Variants in OXSR1 observed in about 807,000 individuals in gnomAD.
The protein encoded by OXSR1 is serine/threonine-protein kinase OSR1.
OXSR1 carries 24 observed loss-of-function variants against 79.8 expected under a neutral mutation model. The ratio of observed to expected loss-of-function variants is 0.30; its 90% confidence interval spans 0.22 to 0.42. OXSR1 has a LOEUF of 0.42. OXSR1 is among the 10% of genes least tolerant of loss of function. The pLI, the probability that OXSR1 is intolerant of heterozygous loss-of-function variation, is 1.00. For synonymous variants in OXSR1, 226 were observed against 209.2 expected (o/e 1.08, Z -0.69); for missense variants, 430 against 618.4 (o/e 0.70, Z 3.23).
At chr3:38,252,289 A>G in intron 16 of OXSR1, 39 bp from the exon 17 acceptor site, 1 of 1,393,234 alleles carries the variant, frequency 7.2e-7, no homozygotes, top group Non-Finnish European at 1.0e-6. Context: ...GATTTATGTA[A>G]CTTCTCATTC....
chr3:38,211,613 A>G (rs1702389636), intron 4 of OXSR1, among the ~76,000 whole-genome samples: 1 of 152,146 alleles, frequency 6.6e-6, no homozygotes, highest in Non-Finnish European at 1.5e-5. Flanking sequence ...TAGTCTTTCA[A>G]GGGTCTTGGT....
chr3:38,196,780 A>G (rs955518118), intron 3 of OXSR1, among the ~76,000 whole-genome samples: 1 of 152,204 alleles, frequency 6.6e-6, no homozygotes, highest in Admixed American at 6.5e-5. Flanking sequence ...AAAGTTAGCA[A>G]TCATGTCATG....
At position 38,165,557 on chromosome 3, in the gene OXSR1, G is replaced by T; in HGVS notation, c.-320G>T. ...AGTTTGGCCCGTGCGTGGGGCTGGG[G>T]TGGAGGGCGGGACAGAGGGGCTGGG... is the stretch of plus-strand genomic sequence containing the variant. On this transcript the variant is annotated 5_prime_UTR_variant, in exon 1 of 18. Coordinates refer to ENST00000311806, the MANE Select transcript of OXSR1 (RefSeq NM_005109.3). The T allele has an allele frequency of 5.5e-6, 2 of 360,878 alleles. No homozygotes were observed. The highest frequency in any genetic ancestry group is 1.0e-5 in the Non-Finnish European group (2 of 199,160). The allele number at this position is 360,878 out of a possible 1,614,324, so 22.4% of individuals were successfully genotyped here. A position where few individuals can be genotyped will look rare whatever the true frequency, so the allele number is the denominator to read the frequency against.
chr3:38,206,121 C>T (rs1575335219), intron 4 of OXSR1, among the ~76,000 whole-genome samples: 1 of 152,020 alleles, frequency 6.6e-6, no homozygotes, highest in East Asian at 1.9e-4. Context: ...AATTTTGACA[C>T]AAGAAACTTT....
chr3:38,196,354 G>A (rs1219365221), intron 3 of OXSR1, among the ~76,000 whole-genome samples: 2 of 152,136 alleles, frequency 1.3e-5, no homozygotes, highest in Non-Finnish European at 2.9e-5. Flanking sequence ...CCGTCATCGA[G>A]TTAGAGGCTA....
chr3:38,218,440 T>G (rs1702527447), intron 5 of OXSR1, among the ~76,000 whole-genome samples: 1 of 152,234 alleles, frequency 6.6e-6, no homozygotes, highest in Non-Finnish European at 1.5e-5. Context: ...TCTTTTCATG[T>G]GCTTATTGGC....
intron 6 of OXSR1, 38 bp downstream of exon 6, chr3:38,221,725 C>A: frequency 7.9e-7 from 1 of 1,269,018 alleles, no homozygotes; most frequent in Non-Finnish European, 1.1e-6. Context: ...TGGGTTAGGG[C>A]TTTGTTTTGA....
In OXSR1 at chr3:38,216,157, G is replaced by T; in HGVS notation, c.490+6G>T. The T allele has an allele frequency of 6.5e-7, 1 of 1,547,126 alleles. No individual in the cohort carries two copies. The highest frequency in any genetic ancestry group is 8.9e-7 in the Non-Finnish European group (1 of 1,126,328). ...TGGCTCAGTACAGATTGCAGGTAAT[G>T]ATTAGTATTTCTTTTTATTTGATTT... On this transcript the variant is annotated splice_donor_region_variant and intron_variant, in intron 5 of 17. Coordinates refer to ENST00000311806, the MANE Select transcript of OXSR1 (RefSeq NM_005109.3).
At chr3:38,194,633 A>G (rs1213093184) in intron 3 of OXSR1, among the ~76,000 whole-genome samples, 2 of 152,200 alleles carry the variant, frequency 1.3e-5, no homozygotes, top group African/African-American at 2.4e-5. Context: ...TGATCCAGCT[A>G]GAGAGAATAC....
At chr3:38,195,006 A>G (rs1277036440) in intron 3 of OXSR1, among the ~76,000 whole-genome samples, 1 of 152,238 alleles carries the variant, frequency 6.6e-6, no homozygotes, top group African/African-American at 2.4e-5. Flanking sequence ...TCAATATTAT[A>G]ATCATTTAAT....
At chr3:38,209,296 G>T (rs138168518) in intron 4 of OXSR1, among the ~76,000 whole-genome samples, 86 of 152,182 alleles carry the variant, frequency 5.7e-4, no homozygotes, top group Non-Finnish European at 7.8e-4. Flanking sequence ...ACGGCTCACT[G>T]CAGCCTTGAC....
chr3:38,167,001 A>T (rs1268742732), intron 1 of OXSR1, among the ~76,000 whole-genome samples: 1 of 152,064 alleles, frequency 6.6e-6, no homozygotes, highest in Non-Finnish European at 1.5e-5. Flanking sequence ...TTACAGAGGG[A>T]TATAGAGATG....
Position 38,224,721 on chromosome 3 carries a change from A to G in OXSR1, c.836+17A>G, listed in dbSNP as rs1348938314. 6.7e-7 allele frequency: 1 copy of G among 1,503,484 alleles called. No homozygotes were observed. 93.1% of individuals were successfully genotyped at this position (1,503,484 alleles called of 1,614,324 possible). ...AGAAAAAAGGTAAAATATGAGAAAA[A>G]GTCTACTTTTCTCTCTAATAAAACA... is the stretch of plus-strand genomic sequence containing the variant. On this transcript the variant is annotated intron_variant, in intron 8 of 17. Coordinates refer to ENST00000311806, the MANE Select transcript of OXSR1 (RefSeq NM_005109.3).
At chr3:38,191,836 G>C (rs967950996) in intron 3 of OXSR1, among the ~76,000 whole-genome samples, 2 of 152,032 alleles carry the variant, frequency 1.3e-5, no homozygotes, top group African/African-American at 4.8e-5. Context: ...CCTTGTTTGA[G>C]TCAGTTATTT....
At chr3:38,176,969 T>G (rs562145214) in intron 1 of OXSR1, among the ~76,000 whole-genome samples, 1 of 152,366 alleles carries the variant, frequency 6.6e-6, no homozygotes, top group African/African-American at 2.4e-5. Flanking sequence ...GTATATAAGA[T>G]AAATCAATCA....
At chr3:38,223,519 C>T (rs1383941533) in intron 6 of OXSR1, among the ~76,000 whole-genome samples, 3 of 151,502 alleles carry the variant, frequency 2.0e-5, no homozygotes, top group Non-Finnish European at 2.9e-5. Flanking sequence ...CTCAGTTCAC[C>T]GCAACCTCTA....
chr3:38,200,760 A>G (rs1319437159), intron 4 of OXSR1, among the ~76,000 whole-genome samples: 2 of 152,182 alleles, frequency 1.3e-5, no homozygotes, highest in Admixed American at 1.3e-4. Context: ...ATTGTGATGA[A>G]CACTTTTCTC....
At chr3:38,179,825 C>A (rs557589806) in intron 1 of OXSR1, among the ~76,000 whole-genome samples, 2 of 150,320 alleles carry the variant, frequency 1.3e-5, no homozygotes, top group Non-Finnish European at 3.0e-5. Context: ...TTTTTTTTCC[C>A]CAAAATAGAA....
At chr3:38,198,919 C>T in intron 4 of OXSR1, 56 bp downstream of exon 4, 1 of 1,462,722 alleles carries the variant, frequency 6.8e-7, no homozygotes, top group Non-Finnish European at 9.5e-7. Flanking sequence ...CATTCCCACT[C>T]TTTTACAGAA....
Sources: allele counts gnomAD v4.1 joint callset (sites outside exome capture counted in the v4.1 genomes callset), GRCh38; gene constraint gnomAD v4.1.1; transcripts MANE v1.5; gene names NCBI Gene and HGNC (gene_info 2026-07-23, HGNC 2026-07-21).